COL22A1: variants seen among roughly 807,000 people sequenced by gnomAD.
COL22A1 encodes the protein collagen alpha-1(XXII) chain.
In COL22A1, 221 loss-of-function variants were observed where a neutral mutation model predicts 248.9. That is an observed-to-expected ratio of 0.89 (90% CI 0.80 to 0.99). The LOEUF is 0.99. COL22A1 is among the 50% of genes least tolerant of loss of function. The pLI is 0.00. For missense variants in COL22A1, 2,240 were observed against 2,179.0 expected, an observed-to-expected ratio of 1.03 and a Z score of -0.56; for synonymous variants, 891 against 793.4, an observed-to-expected ratio of 1.12 and a Z score of -2.07.
intron 64 of COL22A1, 79 bp from the exon 65 acceptor site, chr8:138,589,519 A>G: frequency 8.3e-7 from 1 of 1,197,832 alleles, no homozygotes; most frequent in Non-Finnish European, 1.1e-6. Context: ...CACAGCTTCC[A>G]TTCACTATGA....
rs200175368 is a variant in COL22A1, at chr8:138,778,410, C to A, written c.1705-4G>T. The stretch of plus-strand genomic sequence containing the variant: ...GTCCAGGTGGTCCTTGGGGCCCCTG[C>A]AGAAGAGCATTTACAGAGTAAAGTT... On this transcript the variant is annotated splice_region_variant and splice_polypyrimidine_tract_variant and intron_variant, in intron 14 of 64. Coordinates refer to ENST00000303045, the MANE Select transcript of COL22A1 (RefSeq NM_152888.3). The A allele has an allele frequency of 2.5e-6, 4 of 1,595,056 alleles. No homozygotes were observed. Among genetic ancestry groups the A allele is most frequent in the Non-Finnish European group, 3.4e-6 (4 of 1,174,018 alleles).
At chr8:138,624,944 G>T (rs1350426825) in intron 51 of COL22A1, among the ~76,000 whole-genome samples, 1 of 152,220 alleles carries the variant, frequency 6.6e-6, no homozygotes, top group Non-Finnish European at 1.5e-5. Flanking sequence ...AACAAAAGCA[G>T]ATGTAGTTCC....
At chr8:138,765,316 C>G (rs1416238318) in intron 16 of COL22A1, among the ~76,000 whole-genome samples, 1 of 152,128 alleles carries the variant, frequency 6.6e-6, no homozygotes, top group Non-Finnish European at 1.5e-5. Context: ...GTCTTTGAGC[C>G]CATGGACTCT....
At chr8:138,849,226 G>C (rs1292109802) in intron 3 of COL22A1, among the ~76,000 whole-genome samples, 2 of 152,206 alleles carry the variant, frequency 1.3e-5, no homozygotes, top group Non-Finnish European at 2.9e-5. Flanking sequence ...CACTGGGAAT[G>C]CCATGTGGAT....
chr8:138,666,615 A>G (rs1021423342), intron 41 of COL22A1, among the ~76,000 whole-genome samples: 2 of 152,178 alleles, frequency 1.3e-5, no homozygotes, highest in African/African-American at 4.8e-5. Flanking sequence ...CCATACCTGC[A>G]TCTGAACTGT....
At chr8:138,681,906 T>C (rs770341947) in intron 39 of COL22A1, among the ~76,000 whole-genome samples, 4 of 152,230 alleles carry the variant, frequency 2.6e-5, no homozygotes, top group African/African-American at 4.8e-5. Flanking sequence ...CACATTGGTC[T>C]ACATTGACCA....
intron 4 of COL22A1, among the ~76,000 whole-genome samples, chr8:138,839,771 C>T (rs1204426017): frequency 1.3e-5 from 2 of 152,220 alleles, no homozygotes; most frequent in Admixed American, 1.3e-4. Context: ...AATTTGAGAC[C>T]TGCACATGCC....
chr8:138,743,176 G>T (rs1016849331), intron 22 of COL22A1, among the ~76,000 whole-genome samples: 1 of 151,620 alleles, frequency 6.6e-6, no homozygotes, highest in African/African-American at 2.4e-5. Context: ...TCACGATGGT[G>T]ATGGTGGAGT....
intron 31 of COL22A1, among the ~76,000 whole-genome samples, chr8:138,702,984 G>A (rs1048204483): frequency 6.6e-6 from 1 of 152,214 alleles, no homozygotes; most frequent in Non-Finnish European, 1.5e-5. Flanking sequence ...CTGGGTCATG[G>A]TAGTGCAGTC....
At chr8:138,662,813 G>A (rs1177642858) in intron 42 of COL22A1, among the ~76,000 whole-genome samples, 2 of 152,088 alleles carry the variant, frequency 1.3e-5, no homozygotes, top group African/African-American at 2.4e-5. Context: ...AGTTCACTAC[G>A]TAGTGCCTCA....
intron 60 of COL22A1, among the ~76,000 whole-genome samples, chr8:138,600,967 C>T (rs1272602176): frequency 6.6e-6 from 1 of 152,090 alleles, no homozygotes; most frequent in Non-Finnish European, 1.5e-5. Context: ...TCAAATGTTC[C>T]CAGGAGTACA....
intron 30 of COL22A1, among the ~76,000 whole-genome samples, chr8:138,712,333 T>C (rs1418392916): frequency 1.3e-5 from 2 of 152,106 alleles, no homozygotes; most frequent in African/African-American, 4.8e-5. Flanking sequence ...CAGGTGTTTA[T>C]AAAGTTGCCG....
intron 23 of COL22A1, among the ~76,000 whole-genome samples, chr8:138,736,485 A>G (rs1831120283): frequency 1.3e-5 from 2 of 152,114 alleles, no homozygotes; most frequent in African/African-American, 2.4e-5. Flanking sequence ...GAAGCCAGGC[A>G]TCTGCCTAGC....
At position 138,640,265 on chromosome 8, in the gene COL22A1, A is replaced by G. The variant is rs140968199; in HGVS notation, c.3502-3470T>C. 1.7e-4 allele frequency among the ~76,000 whole-genome samples: 26 copies of G among 152,340 alleles called. No individual in the cohort carries two copies. The East Asian group carries it at 5.0e-3, about 29-fold the overall frequency. ...TCCAGAACCATCATGTGCTAAGCACATGATAAAACAATCATTTGGAAGGTA... is the reference window on the plus strand; with the variant it reads ...TCCAGAACCATCATGTGCTAAGCACGTGATAAAACAATCATTTGGAAGGTA... On this transcript the variant is annotated intron_variant, in intron 47 of 64. Transcript: ENST00000303045.
In COL22A1 at chr8:138,725,745, A is replaced by G. The variant is rs553834036; in HGVS notation, c.2140-305T>C. On this transcript the variant is annotated intron_variant, in intron 23 of 64. Transcript: ENST00000303045. The stretch of plus-strand genomic sequence containing the variant: ...AATGTAAATACATATATGTGTGCAC[A>G]TGTGCAGACACACACACACACACAC... Among the ~76,000 whole-genome samples, 4 of 149,444 alleles carry G rather than the reference A, an allele frequency of 2.7e-5. No homozygotes were observed. In the East Asian group the frequency reaches 7.9e-4, roughly 29 times the overall value.
intron 15 of COL22A1, among the ~76,000 whole-genome samples, chr8:138,777,529 C>T (rs1008839727): frequency 6.6e-6 from 1 of 152,134 alleles, no homozygotes; most frequent in South Asian, 2.1e-4. Context: ...GCCCACCACC[C>T]CCCAACAGGC....
At position 138,753,017 on chromosome 8, in the gene COL22A1, C is replaced by T. The variant is rs545199165; in HGVS notation, c.2032-1506G>A. On this transcript the variant is annotated intron_variant, in intron 21 of 64. Coordinates refer to ENST00000303045, the MANE Select transcript of COL22A1 (RefSeq NM_152888.3). ...GTTTACATAGGAGAAGATGCTGCTG[C>T]GGTAGATTTCCAAGTTAGGGGTGAA... Among the ~76,000 whole-genome samples, 37 of 152,242 alleles carry T rather than the reference C, an allele frequency of 2.4e-4. No homozygotes were observed. The South Asian group carries it at 6.2e-3, about 26-fold the overall frequency.
At chr8:138,838,016 G>C (rs1037875194) in intron 4 of COL22A1, among the ~76,000 whole-genome samples, 2 of 152,096 alleles carry the variant, frequency 1.3e-5, no homozygotes, top group Non-Finnish European at 2.9e-5. Context: ...AGCTGGGGGA[G>C]GGGGTCGCTG....
intron 47 of COL22A1, among the ~76,000 whole-genome samples, chr8:138,644,868 G>A (rs1006316906): frequency 3.3e-5 from 5 of 152,094 alleles, no homozygotes; most frequent in Admixed American, 2.0e-4. Context: ...TCTGCTGGAG[G>A]CTATGCTTCC....
Sources: allele counts gnomAD v4.1 joint callset (sites outside exome capture counted in the v4.1 genomes callset), GRCh38; gene constraint gnomAD v4.1.1; transcripts MANE v1.5; gene names NCBI Gene and HGNC (gene_info 2026-07-23, HGNC 2026-07-21).